EPHA3: variants seen among roughly 807,000 people sequenced by gnomAD.
EPHA3 encodes the protein EPH receptor A3.
EPHA3 carries 42 observed loss-of-function variants against 107.1 expected under a neutral mutation model. The ratio of observed to expected loss-of-function variants is 0.39; its 90% CI spans 0.31 to 0.51. The LOEUF is 0.51. Ranked by LOEUF, EPHA3 falls within the 20% of genes least tolerant of loss-of-function variation. The probability of loss-of-function intolerance (pLI) is 0.78; values close to 1 mark genes in which losing one functional copy is unlikely to be tolerated. For missense variants in EPHA3, 1,183 were observed against 1,211.2 expected (o/e 0.98, Z 0.35); for synonymous variants, 461 against 424.8 (o/e 1.09, Z -1.05).
intron 2 of EPHA3, among the ~76,000 whole-genome samples, chr3:89,159,971 AT>A (rs932371408): frequency 6.7e-6 from 1 of 149,392 alleles, no homozygotes; most frequent in Admixed American, 6.7e-5. Context: ...CTATTTTTGT[AT>A]TTTTTAACTT....
At chr3:89,406,662 C>T (rs895814243) in intron 7 of EPHA3, among the ~76,000 whole-genome samples, 1 of 152,062 alleles carries the variant, frequency 6.6e-6, no homozygotes, top group African/African-American at 2.4e-5. Flanking sequence ...AATGTGAAAC[C>T]ATTCTAAGCT....
In EPHA3 at chr3:89,354,710, C is replaced by T. The variant is rs182649885; in HGVS notation, c.1306+12620C>T. Reference sequence around the variant, plus strand: ...TAATTGCTGACCTAACTCTTCTTGACATGATTAGCACTGCACTCCAGTCCT... The same window carrying T: ...TAATTGCTGACCTAACTCTTCTTGATATGATTAGCACTGCACTCCAGTCCT... On this transcript the variant is annotated intron_variant, in intron 5 of 16. Coordinates refer to ENST00000336596, the MANE Select transcript of EPHA3 (RefSeq NM_005233.6). Among the ~76,000 whole-genome samples, 2 of 151,256 alleles carry T rather than the reference C, an allele frequency of 1.3e-5. 1 individual carries two copies. The highest frequency in any genetic ancestry group is 3.0e-5 in the Non-Finnish European group (2 of 67,486).
chr3:89,136,043 C>T (rs185376384), intron 2 of EPHA3, among the ~76,000 whole-genome samples: 9 of 152,172 alleles, frequency 5.9e-5, no homozygotes, highest in South Asian at 2.1e-4. Context: ...TTCTAGCTTT[C>T]GCTTTGTGAA....
chr3:89,395,574 C>G (rs1708831986), intron 5 of EPHA3, among the ~76,000 whole-genome samples: 1 of 152,152 alleles, frequency 6.6e-6, no homozygotes, highest in African/African-American at 2.4e-5. Context: ...TCACTTGCCA[C>G]TAGTCCACCA....
intron 2 of EPHA3, among the ~76,000 whole-genome samples, chr3:89,149,894 G>T (rs986365627): frequency 2.1e-4 from 32 of 151,942 alleles, no homozygotes; most frequent in Non-Finnish European, 3.4e-4. Context: ...CAAATATTCT[G>T]CTCTCATCTC....
chr3:89,281,197 T>C (rs1295477877), intron 3 of EPHA3, among the ~76,000 whole-genome samples: 1 of 152,060 alleles, frequency 6.6e-6, no homozygotes, highest in Non-Finnish European at 1.5e-5. Flanking sequence ...CTAATTTCTT[T>C]TGTGTTTTAG....
intron 3 of EPHA3, among the ~76,000 whole-genome samples, chr3:89,236,935 A>G (rs1466911227): frequency 1.3e-5 from 2 of 152,244 alleles, no homozygotes; most frequent in South Asian, 4.1e-4. Flanking sequence ...TATCAAGTGT[A>G]CATTCTGCAT....
chr3:89,281,131 A>G (rs979113198), intron 3 of EPHA3, among the ~76,000 whole-genome samples: 1 of 151,858 alleles, frequency 6.6e-6, no homozygotes, highest in Non-Finnish European at 1.5e-5. Context: ...TCAAGTAATT[A>G]TCCTGCCTCA....
chr3:89,370,664 TAAAA>T (rs895235805), intron 5 of EPHA3, among the ~76,000 whole-genome samples: 1 of 149,506 alleles, frequency 6.7e-6, no homozygotes, highest in African/African-American at 2.5e-5. Context: ...TAATAATAAT[TAAAA>T]AAATAACAAA....
In EPHA3 at chr3:89,407,517, C is replaced by T. The variant is rs79370371; in HGVS notation, c.1697+146C>T. On this transcript the variant is annotated intron_variant, in intron 8 of 16. Coordinates refer to ENST00000336596, the MANE Select transcript of EPHA3 (RefSeq NM_005233.6). ...CTTGTAGTTTAGGTCCTCTCTTTCT[C>T]CTCCTTTTCTTTGTTTCTCCATCCT... 4.7e-4 allele frequency: 305 copies of T among 644,360 alleles called. 1 individual carries two copies. In the African/African-American group the frequency reaches 5.4e-3, roughly 11 times the overall value. 39.9% of individuals were successfully genotyped at this position (644,360 alleles called of 1,614,324 possible). A position where few individuals can be genotyped will look rare whatever the true frequency, so the allele number is the denominator to read the frequency against.
chr3:89,397,282 A>T (rs1429649939), intron 6 of EPHA3, among the ~76,000 whole-genome samples: 1 of 152,218 alleles, frequency 6.6e-6, no homozygotes, highest in African/African-American at 2.4e-5. Context: ...CCTAGCTTTG[A>T]GTCCTCTACT....
intron 2 of EPHA3, among the ~76,000 whole-genome samples, chr3:89,188,639 C>T (rs1705628635): frequency 1.3e-5 from 2 of 152,156 alleles, no homozygotes; most frequent in African/African-American, 4.8e-5. Flanking sequence ...AAATTCCAGA[C>T]TCATAACAGG....
intron 12 of EPHA3, among the ~76,000 whole-genome samples, chr3:89,430,926 A>T (rs752387333): frequency 9.9e-5 from 15 of 152,246 alleles, no homozygotes; most frequent in Non-Finnish European, 1.9e-4. Flanking sequence ...AAGTCAAAGA[A>T]CGTTAAGATA....
chr3:89,156,123 T>C (rs1284701640), intron 2 of EPHA3, among the ~76,000 whole-genome samples: 1 of 152,026 alleles, frequency 6.6e-6, no homozygotes, highest in Non-Finnish European at 1.5e-5. Context: ...GTTTTATGAA[T>C]GAACAAACAA....
In EPHA3 at chr3:89,342,001, C is replaced by G. The variant is rs1313799818; in HGVS notation, c.1217C>G (p.Thr406Ser). 5 of 1,612,810 alleles carry G rather than the reference C, an allele frequency of 3.1e-6. No homozygotes were observed. Among genetic ancestry groups the G allele is most frequent in the Non-Finnish European group, 4.2e-6 (5 of 1,179,808 alleles). ...VTDLLAHTNYTFEIDAVNGVS... is the reference protein window; with the variant it reads ...VTDLLAHTNYSFEIDAVNGVS... ...GACCTTCTGGCACATACTAACTACA[C>G]CTTTGAGATTGATGCCGTTAATGGG... The change falls in exon 5 of 17, where the codon ACC (threonine) becomes AGC (serine). Residue 406 changes from threonine (T) to serine (S), a missense_variant. Thr to Ser is a moderately conservative substitution (Grantham distance 58, BLOSUM62 1). Coordinates refer to ENST00000336596, the MANE Select transcript of EPHA3 (RefSeq NM_005233.6).
chr3:89,317,775 A>T (rs1274761294), intron 3 of EPHA3, among the ~76,000 whole-genome samples: 1 of 151,830 alleles, frequency 6.6e-6, no homozygotes, highest in Non-Finnish European at 1.5e-5. Flanking sequence ...TATTTTTACA[A>T]TAAAAAAGTT....
At chr3:89,146,548 T>A (rs1288921145) in intron 2 of EPHA3, among the ~76,000 whole-genome samples, 2 of 152,052 alleles carry the variant, frequency 1.3e-5, no homozygotes, top group Non-Finnish European at 1.5e-5. Flanking sequence ...ATTAGACCTT[T>A]GTCAGATAGG....
intron 3 of EPHA3, among the ~76,000 whole-genome samples, chr3:89,279,877 C>T (rs1289221018): frequency 6.6e-6 from 1 of 152,038 alleles, no homozygotes; most frequent in Non-Finnish European, 1.5e-5. Context: ...AAATATAACA[C>T]AAAAAGAAGG....
At chr3:89,207,077 A>C (rs919480198) in intron 2 of EPHA3, among the ~76,000 whole-genome samples, 2 of 152,200 alleles carry the variant, frequency 1.3e-5, no homozygotes, top group Non-Finnish European at 1.5e-5. Flanking sequence ...TAGGTGAGCT[A>C]TGAAGAACTA....
Sources: gnomAD v4.1 joint callset for allele counts (sites outside exome capture counted in the v4.1 genomes callset) on GRCh38, gnomAD v4.1.1 for gene constraint, MANE v1.5 for transcripts, NCBI Gene and HGNC (gene_info 2026-07-23, HGNC 2026-07-21) for gene names.